The following ENTREP2 variants were observed in gnomAD, a reference collection of about 807,000 sequenced individuals.
The protein encoded by ENTREP2 is endosomal transmembrane epsin interactor 2.
the ENTREP2 span, among the ~76,000 whole-genome samples, chr15:29,530,111 C>T: frequency 6.6e-6 from 1 of 152,092 alleles, no homozygotes; most frequent in Non-Finnish European, 1.5e-5. Context: ...CTCCCATGCT[C>T]GGATGTACGG....
the ENTREP2 span, among the ~76,000 whole-genome samples, chr15:29,490,834 G>A: frequency 2.6e-5 from 4 of 152,222 alleles, no homozygotes; most frequent in Non-Finnish European, 5.9e-5. Flanking sequence ...TGCCAGGGCC[G>A]AAGGGGAGCT....
chr15:29,183,241 G>A, the ENTREP2 span, among the ~76,000 whole-genome samples: 1 of 152,178 alleles, frequency 6.6e-6, no homozygotes, highest in Non-Finnish European at 1.5e-5. Flanking sequence ...AAATAACTCA[G>A]CAGGAAAAGA....
the ENTREP2 span, chr15:29,376,146 T>TA: frequency 6.6e-6 from 1 of 152,182 alleles, no homozygotes; most frequent in Non-Finnish European, 1.5e-5. Flanking sequence ...AAATAAATTC[T>TA]AAAAAATGTT....
the ENTREP2 span, among the ~76,000 whole-genome samples, chr15:29,300,238 A>AC: frequency 8.4e-6 from 1 of 119,308 alleles, no homozygotes; most frequent in Admixed American, 8.7e-5. Context: ...GTGGATGGAG[A>AC]AATGGATGGA....
chr15:29,535,569 A>G, the ENTREP2 span, among the ~76,000 whole-genome samples: 1,777 of 152,248 alleles, frequency 0.012, 29 homozygotes, highest in African/African-American at 0.041. Flanking sequence ...AAGCACCTAT[A>G]GTCCCAGCTA....
chr15:29,247,712 A>T, the ENTREP2 span, among the ~76,000 whole-genome samples: 1 of 149,048 alleles, frequency 6.7e-6, no homozygotes, highest in Non-Finnish European at 1.5e-5. Flanking sequence ...GCTTAATAGC[A>T]GCCAACTTTG....
the ENTREP2 span, among the ~76,000 whole-genome samples, chr15:29,329,729 CAAT>C: frequency 6.6e-6 from 1 of 152,168 alleles, no homozygotes; most frequent in Admixed American, 6.5e-5. Context: ...AATAACCTCA[CAAT>C]GATGGGGGTG....
chr15:29,369,016 T>G, the ENTREP2 span, among the ~76,000 whole-genome samples: 1 of 152,238 alleles, frequency 6.6e-6, no homozygotes, highest in East Asian at 1.9e-4. Flanking sequence ...ATAGGTTAAT[T>G]GAGGTTATCC....
the ENTREP2 span, among the ~76,000 whole-genome samples, chr15:29,387,865 G>A: frequency 1.3e-5 from 2 of 152,166 alleles, no homozygotes; most frequent in African/African-American, 4.8e-5. Flanking sequence ...AACAAGAAAT[G>A]GGGAAAGGAT....
the ENTREP2 span, among the ~76,000 whole-genome samples, chr15:29,469,786 T>A: frequency 6.6e-6 from 1 of 152,158 alleles, no homozygotes; most frequent in Non-Finnish European, 1.5e-5. Flanking sequence ...TAATTTTTTT[T>A]AAAAAGCCTC....
the ENTREP2 span, among the ~76,000 whole-genome samples, chr15:29,485,794 A>C: frequency 5.3e-5 from 8 of 152,212 alleles, no homozygotes; most frequent in Non-Finnish European, 1.0e-4. Flanking sequence ...GGGAAATGCA[A>C]ATCAAAACCA....
the ENTREP2 span, among the ~76,000 whole-genome samples, chr15:29,507,008 AC>A: frequency 6.6e-6 from 1 of 152,144 alleles, no homozygotes; most frequent in Non-Finnish European, 1.5e-5. Flanking sequence ...TATTTAGGAG[AC>A]CCATCTCACA....
chr15:29,597,516 C>T, the ENTREP2 span, among the ~76,000 whole-genome samples: 5 of 150,476 alleles, frequency 3.3e-5, no homozygotes, highest in African/African-American at 9.8e-5. Context: ...TGCTGTGAGC[C>T]GAGATTGCGC....
the ENTREP2 span, among the ~76,000 whole-genome samples, chr15:29,325,526 T>C: frequency 6.6e-5 from 10 of 152,090 alleles, no homozygotes; most frequent in Admixed American, 2.6e-4. Flanking sequence ...CCTTGAAACA[T>C]ACAAATGACC....
chr15:29,657,065 T>C, the ENTREP2 span, among the ~76,000 whole-genome samples: 4 of 152,252 alleles, frequency 2.6e-5, no homozygotes, highest in South Asian at 2.1e-4. Flanking sequence ...CTTTTCTTTT[T>C]GAGACCGAGT....
the ENTREP2 span, among the ~76,000 whole-genome samples, chr15:29,460,327 C>T: frequency 1.3e-5 from 2 of 152,086 alleles, no homozygotes; most frequent in African/African-American, 4.8e-5. Flanking sequence ...GTGTCAGTTA[C>T]GATTCTTAAA....
At chr15:29,660,487 A>G in the ENTREP2 span, among the ~76,000 whole-genome samples, 1 of 152,172 alleles carries the variant, frequency 6.6e-6, no homozygotes, top group Non-Finnish European at 1.5e-5. Flanking sequence ...TTTTCTTTAT[A>G]AATTACTGAG....
the ENTREP2 span, among the ~76,000 whole-genome samples, chr15:29,635,967 T>G: frequency 6.6e-6 from 1 of 152,106 alleles, no homozygotes; most frequent in Non-Finnish European, 1.5e-5. Context: ...AGAACATAAA[T>G]CTATTTGACA....
the ENTREP2 span, among the ~76,000 whole-genome samples, chr15:29,431,999 ATTGCC>A: frequency 1.3e-5 from 2 of 152,176 alleles, no homozygotes; most frequent in Admixed American, 1.3e-4. Flanking sequence ...ACCAGGACAA[ATTGCC>A]TGAGATTTCA....
Sources: allele counts gnomAD v4.1 joint callset (sites outside exome capture counted in the v4.1 genomes callset), GRCh38; gene constraint gnomAD v4.1.1; transcripts MANE v1.5; gene names NCBI Gene and HGNC (gene_info 2026-07-23, HGNC 2026-07-21).